The following HDAC9 variants were observed in gnomAD, a reference collection of about 807,000 sequenced individuals.
HDAC9 encodes histone deacetylase 9, also known as MEF-2 interacting transcription repressor (MITR) protein.
In HDAC9, 41 loss-of-function variants were observed where a neutral mutation model predicts 139.4. That is an observed-to-expected ratio of 0.29 (90% CI 0.23 to 0.38). The LOEUF (loss-of-function observed/expected upper bound fraction) is 0.38. HDAC9 is among the 10% of genes least tolerant of loss of function. The probability of loss-of-function intolerance (pLI) is 1.00; values close to 1 mark genes in which losing one functional copy is unlikely to be tolerated. For missense variants in HDAC9, 1,147 were observed against 1,297.0 expected (o/e 0.88, Z 1.78); for synonymous variants, 517 against 476.2 (o/e 1.09, Z -1.12).
chr7:18,121,997 A>G (rs2697908), intron 1 of HDAC9, among the ~76,000 whole-genome samples: 83,060 of 152,030 alleles, frequency 0.55, 25,230 homozygotes, highest in Non-Finnish European at 0.67. Flanking sequence ...CTTTTATGAA[A>G]TGAAGGCATT....
intron 1 of HDAC9, among the ~76,000 whole-genome samples, chr7:18,113,422 T>C (rs1783759379): frequency 6.6e-6 from 1 of 152,238 alleles, no homozygotes; most frequent in Admixed American, 6.5e-5. Flanking sequence ...TTATTTCTTT[T>C]ACTTAGCTTT....
intron 1 of HDAC9, among the ~76,000 whole-genome samples, chr7:18,299,432 C>G (rs1011100353): frequency 6.6e-6 from 1 of 151,974 alleles, no homozygotes; most frequent in African/African-American, 2.4e-5. Flanking sequence ...CCTAGCACTT[C>G]TGCTTCAAAT....
chr7:18,608,302 G>A (rs939071636), intron 6 of HDAC9, among the ~76,000 whole-genome samples: 11 of 151,904 alleles, frequency 7.2e-5, no homozygotes, highest in Non-Finnish European at 1.6e-4. Flanking sequence ...GAGGGGAGGG[G>A]GACTGGCTTA....
At chr7:18,435,059 CAAAA>C (rs376786180) in intron 1 of HDAC9, among the ~76,000 whole-genome samples, 1 of 67,810 alleles carries the variant, frequency 1.5e-5, no homozygotes, top group Admixed American at 2.1e-4. Context: ...ACTACACAGC[CAAAA>C]AAAAAAAAAA....
At chr7:18,400,322 C>G (rs1414235735) in intron 1 of HDAC9, among the ~76,000 whole-genome samples, 1 of 152,130 alleles carries the variant, frequency 6.6e-6, no homozygotes, top group African/African-American at 2.4e-5. Context: ...CGTAAAATTT[C>G]CAACATAACT....
intron 1 of HDAC9, among the ~76,000 whole-genome samples, chr7:18,115,414 T>C (rs369730505): frequency 2.0e-5 from 3 of 152,230 alleles, no homozygotes; most frequent in South Asian, 4.1e-4. Flanking sequence ...TATTTTTAGA[T>C]GACAAAAAAA....
chr7:18,559,700 G>A (rs1819994182), intron 2 of HDAC9, among the ~76,000 whole-genome samples: 1 of 152,180 alleles, frequency 6.6e-6, no homozygotes. Context: ...GAATGTGGGA[G>A]TAGTTGACAC....
At chr7:18,283,716 T>C (rs1424513870) in intron 2 of HDAC9, among the ~76,000 whole-genome samples, 6 of 152,238 alleles carry the variant, frequency 3.9e-5, no homozygotes. Flanking sequence ...TAATTCCATA[T>C]AGTTACTGAG....
Position 19,000,149 on chromosome 7 carries a change from T to C in HDAC9, c.*4087T>C, listed in dbSNP as rs1786681458. The C allele has an allele frequency of 6.6e-6, 1 of 152,222 alleles. No individual in the cohort carries two copies. 9.4% of individuals were successfully genotyped at this position (152,222 alleles called of 1,614,324 possible). A position where few individuals can be genotyped will look rare whatever the true frequency, so the allele number is the denominator to read the frequency against. On this transcript the variant is annotated 3_prime_UTR_variant, in exon 26 of 26. Coordinates refer to ENST00000686413, the MANE Select transcript of HDAC9 (RefSeq NM_178425.4). ...TAAGAAGTGAAGGCATTTTGTTGTC[T>C]TCAGAACTGATCAACATGGTCATGA...
At chr7:18,316,146 TTTTA>T (rs2128630473) in intron 1 of HDAC9, among the ~76,000 whole-genome samples, 1 of 152,298 alleles carries the variant, frequency 6.6e-6, no homozygotes, top group Non-Finnish European at 1.5e-5. Context: ...CACTGATTCA[TTTTA>T]TTTAGTTGAT....
intron 1 of HDAC9, among the ~76,000 whole-genome samples, chr7:18,399,916 G>A (rs1287798010): frequency 2.0e-5 from 3 of 152,174 alleles, no homozygotes; most frequent in East Asian, 1.9e-4. Context: ...GGGGAACAGC[G>A]AGGATGCACA....
At position 18,862,281 on chromosome 7, in the gene HDAC9, G is replaced by A. The variant is rs201599733; in HGVS notation, c.2685-12197G>A. Among the ~76,000 whole-genome samples the A allele has an allele frequency of 3.3e-3, 498 of 152,162 alleles. 7 individuals are homozygous for A. Among genetic ancestry groups the A allele is most frequent in the Admixed American group, 0.025 (375 of 15,284 alleles). On this transcript the variant is annotated intron_variant, in intron 21 of 25. Coordinates refer to ENST00000686413, the MANE Select transcript of HDAC9 (RefSeq NM_178425.4). ...AATGCAAGAGAAAGAGAATGTGAAG[G>A]GGGAAAAAAGTGTCCCTTTGGTGTA...
At chr7:18,805,947 G>T (rs1274347734) in intron 17 of HDAC9, among the ~76,000 whole-genome samples, 1 of 152,180 alleles carries the variant, frequency 6.6e-6, no homozygotes, top group Non-Finnish European at 1.5e-5. Context: ...CCAACACACA[G>T]AGATGTACAC....
chr7:18,726,945 C>T (rs1785597166), intron 12 of HDAC9, among the ~76,000 whole-genome samples: 1 of 151,810 alleles, frequency 6.6e-6, no homozygotes, highest in Non-Finnish European at 1.5e-5. Flanking sequence ...ATAATAACAG[C>T]GTTAAATCAC....
intron 6 of HDAC9, among the ~76,000 whole-genome samples, chr7:18,623,988 A>G (rs1270426083): frequency 6.6e-6 from 1 of 152,166 alleles, no homozygotes; most frequent in African/African-American, 2.4e-5. Context: ...TATTTGTGTC[A>G]GAGTCCTGTG....
chr7:18,731,906 A>G (rs533796275), intron 13 of HDAC9, among the ~76,000 whole-genome samples: 41 of 151,594 alleles, frequency 2.7e-4, no homozygotes, highest in Non-Finnish European at 5.5e-4. Context: ...GATTACAGGC[A>G]TGAGCCACCA....
chr7:18,708,463 T>C (rs1784103349), intron 12 of HDAC9, among the ~76,000 whole-genome samples: 1 of 152,190 alleles, frequency 6.6e-6, no homozygotes, highest in Non-Finnish European at 1.5e-5. Flanking sequence ...TGATCATAAC[T>C]TGCAGTTTTT....
intron 2 of HDAC9, among the ~76,000 whole-genome samples, chr7:18,265,508 C>T (rs574546638): frequency 1.1e-4 from 17 of 152,224 alleles, no homozygotes; most frequent in African/African-American, 4.1e-4. Context: ...TACAAAGAGT[C>T]TATGCACATT....
At chr7:18,655,706 A>G (rs1293479140) in intron 11 of HDAC9, among the ~76,000 whole-genome samples, 1 of 152,212 alleles carries the variant, frequency 6.6e-6, no homozygotes, top group Non-Finnish European at 1.5e-5. Flanking sequence ...TGCTTTCATA[A>G]CTTGGAGACC....
Sources: gnomAD v4.1 joint callset for allele counts (sites outside exome capture counted in the v4.1 genomes callset) on GRCh38, gnomAD v4.1.1 for gene constraint, MANE v1.5 for transcripts, NCBI Gene and HGNC (gene_info 2026-07-23, HGNC 2026-07-21) for gene names.